SLIT1: variants seen among roughly 807,000 people sequenced by gnomAD.
SLIT1 encodes slit guidance ligand 1, also known as slit homolog 1 protein.
SLIT1 carries 66 observed loss-of-function variants against 186.1 expected under a neutral mutation model. The ratio of observed to expected loss-of-function variants is 0.35; its 90% CI spans 0.29 to 0.44. The LOEUF is 0.44. Among genes scored for constraint, SLIT1 ranks in the 20% least tolerant of loss-of-function variants. The pLI is 1.00. For missense variants in SLIT1, 1,638 were observed against 2,037.4 expected (o/e 0.80, Z 3.77); for synonymous variants, 761 against 833.8 (o/e 0.91, Z 1.50).
intron 25 of SLIT1, among the ~76,000 whole-genome samples, chr10:97,023,114 C>T (rs531219571): frequency 1.3e-5 from 2 of 151,680 alleles, no homozygotes; most frequent in South Asian, 2.1e-4. Flanking sequence ...TGCAGTGGTA[C>T]GATCTCAGCT....
At chr10:97,173,561 T>C (rs1850218779) in intron 1 of SLIT1, among the ~76,000 whole-genome samples, 1 of 147,568 alleles carries the variant, frequency 6.8e-6, no homozygotes, top group Non-Finnish European at 1.5e-5. Flanking sequence ...TGCAGGGGCA[T>C]GATCACAGCT....
intron 1 of SLIT1, among the ~76,000 whole-genome samples, chr10:97,171,263 G>T (rs1038008557): frequency 6.6e-6 from 1 of 152,136 alleles, no homozygotes; most frequent in Non-Finnish European, 1.5e-5. Flanking sequence ...GGGGCCCACA[G>T]AGGCCTAACA....
rs35388136 is a variant in SLIT1, at chr10:97,043,495, G to A, written c.1872C>T (p.Arg624=). 188,414 of 1,613,418 alleles carry A rather than the reference G, an allele frequency of 0.12. 12,548 individuals carry two copies. Among genetic ancestry groups the A allele is most frequent in the Non-Finnish European group, 0.13 (156,454 of 1,179,716 alleles). ...AGCTGTCGTTGTGGATGCAGCTGAT[G>A]CGGTTGTTCCGCAGCATTCTGGGGA... The part of the protein sequence containing the change: ...GLRTLMLRNN[R]ISCIHNDSFT... The change falls in exon 19 of 37, where the codon CGC becomes CGT. Residue 624 remains arginine, a synonymous_variant. Coordinates refer to ENST00000266058, the MANE Select transcript of SLIT1 (RefSeq NM_003061.3). The surrounding 1 kb of genome is among the most constrained non-coding windows in gnomAD (Gnocchi z 7.0).
intron 4 of SLIT1, among the ~76,000 whole-genome samples, chr10:97,070,153 G>A (rs1415343898): frequency 1.3e-5 from 2 of 152,174 alleles, no homozygotes; most frequent in Non-Finnish European, 1.5e-5. Flanking sequence ...CCCCAACATT[G>A]TGATGCAATC....
At chr10:97,149,000 C>T (rs896677451) in intron 4 of SLIT1, among the ~76,000 whole-genome samples, 3 of 152,220 alleles carry the variant, frequency 2.0e-5, no homozygotes, top group African/African-American at 7.2e-5. Flanking sequence ...GGGCACACCG[C>T]GTTTGCCAGG....
chr10:97,001,385 GCA>G (rs766111850), intron 36 of SLIT1, 35 bp from the exon 37 acceptor site: 5 of 1,550,894 alleles, frequency 3.2e-6, no homozygotes, highest in Admixed American at 1.7e-5. Flanking sequence ...AAGCCTCAGG[GCA>G]CACCCATGGG....
chr10:97,047,555 G>T, intron 16 of SLIT1, 135 bp downstream of exon 16: 1 of 861,582 alleles, frequency 1.2e-6, no homozygotes, highest in Non-Finnish European at 1.8e-6. Context: ...CAAGCCAGCA[G>T]TTGGTATGTC....
chr10:97,063,049 G>A (rs1848907842), intron 8 of SLIT1, among the ~76,000 whole-genome samples: 1 of 152,178 alleles, frequency 6.6e-6, no homozygotes, highest in African/African-American at 2.4e-5. Context: ...TGATAGCAGT[G>A]GCAAGGAGCC....
rs766959853 is a variant in SLIT1 at position 97,002,277 on chromosome 10, C to T, written c.4247G>A (p.Gly1416Glu). Residue 1416 changes from glycine to glutamate, a missense_variant, in exon 36 of 37, where the codon GGG (glycine) becomes GAG (glutamate). This residue lies in a region of SLIT1 where 220 missense variants were observed against 211.3 expected (regional missense o/e 1.04). Transcript: ENST00000266058. Reference protein sequence around the residue: ...GYSGALCNQAGALAEPCRGLQ... With the variant: ...GYSGALCNQAEALAEPCRGLQ... ...GCCTCTGCAGGGCTCTGCCAGGGCC[C>T]CGGCCTGGTTGCACAGTGCCCCCGA... is the stretch of plus-strand genomic sequence containing the variant. 6.2e-7 allele frequency: 1 copy of T among 1,609,106 alleles called. No individual in the cohort carries two copies. The highest frequency in any genetic ancestry group is 8.5e-7 in the Non-Finnish European group (1 of 1,178,502).
chr10:97,140,001 G>A (rs190947384), intron 4 of SLIT1, among the ~76,000 whole-genome samples: 1 of 152,154 alleles, frequency 6.6e-6, no homozygotes, highest in Non-Finnish European at 1.5e-5. Context: ...CACTTAGCCT[G>A]AAGCTCCCCT....
intron 4 of SLIT1, among the ~76,000 whole-genome samples, chr10:97,126,393 G>A (rs533227908): frequency 7.9e-5 from 12 of 152,326 alleles, no homozygotes; most frequent in Non-Finnish European, 1.5e-4. Flanking sequence ...TTCATCCCCA[G>A]AGGAGTTTCA....
At chr10:97,108,499 C>A (rs1849434975) in intron 4 of SLIT1, among the ~76,000 whole-genome samples, 1 of 152,194 alleles carries the variant, frequency 6.6e-6, no homozygotes, top group African/African-American at 2.4e-5. Context: ...TGCAGTGCCC[C>A]CAGCACACCC....
At chr10:97,157,373 C>T (rs577906252) in intron 4 of SLIT1, 2 of 165,292 alleles carry the variant, frequency 1.2e-5, no homozygotes, top group South Asian at 2.0e-4. Context: ...AATAACCTTA[C>T]AGACCTCATG....
intron 10 of SLIT1, 98 bp downstream of exon 10, chr10:97,059,989 T>TG (rs1172085169): frequency 1.9e-6 from 2 of 1,039,882 alleles, no homozygotes; most frequent in Non-Finnish European, 1.5e-6. Context: ...CACTCAGCTG[T>TG]GGGGGGCTGA....
At position 97,056,100 on chromosome 10, in the gene SLIT1, G is replaced by T. The variant is rs2636790; in HGVS notation, c.1301+221C>A. 1.4e-3 allele frequency among the ~76,000 whole-genome samples: 217 copies of T among 152,152 alleles called. 1 individual carries two copies. The highest frequency in any genetic ancestry group is 5.0e-3 in the African/African-American group (209 of 41,474). On this transcript the variant is annotated intron_variant, in intron 13 of 36. Coordinates refer to ENST00000266058, the MANE Select transcript of SLIT1 (RefSeq NM_003061.3). ...CCCCATCTTACGGATAAATAAAAAT[G>T]AGGCCCAGAGAAGCTGCCCAGAATC...
chr10:97,117,551 C>CTCT (rs1424542981), intron 4 of SLIT1, among the ~76,000 whole-genome samples: 2 of 152,276 alleles, frequency 1.3e-5, no homozygotes, highest in Non-Finnish European at 2.9e-5. Context: ...ACCCTTGAGG[C>CTCT]TCTATAGCAT....
intron 4 of SLIT1, among the ~76,000 whole-genome samples, chr10:97,156,551 TGG>T (rs970312891): frequency 3.3e-5 from 5 of 152,294 alleles, no homozygotes; most frequent in Middle Eastern, 3.4e-3. Context: ...GTATTCGGCC[TGG>T]GTGACAGAGC....
chr10:97,181,946 C>T (rs1377503731), intron 1 of SLIT1, among the ~76,000 whole-genome samples: 2 of 152,164 alleles, frequency 1.3e-5, no homozygotes, highest in East Asian at 3.8e-4. Context: ...AAACCAAGTC[C>T]AACTGAAAGT....
intron 6 of SLIT1, 124 bp from the exon 7 acceptor site, chr10:97,064,363 G>A: frequency 1.3e-6 from 1 of 781,378 alleles, no homozygotes; most frequent in Non-Finnish European, 2.2e-6. Flanking sequence ...GCTGGACATG[G>A]AGGAGCTAAG....
Sources: allele counts gnomAD v4.1 joint callset (sites outside exome capture counted in the v4.1 genomes callset), GRCh38; gene constraint gnomAD v4.1.1; regional missense constraint gnomAD v4.1.1; non-coding constraint Gnocchi (gnomAD v3.1); transcripts MANE v1.5; gene names NCBI Gene and HGNC (gene_info 2026-07-23, HGNC 2026-07-21).